ZFHX3: variants seen among roughly 807,000 people sequenced by gnomAD.
ZFHX3 encodes zinc finger homeobox protein 3.
ZFHX3 carries 42 observed loss-of-function variants against 279.1 expected under a neutral mutation model. The observed-to-expected ratio is 0.15, with a 90% confidence interval of 0.12 to 0.19. ZFHX3 has a LOEUF of 0.19. Ranked by LOEUF, ZFHX3 falls within the 10% of genes least tolerant of loss-of-function variation. ZFHX3 has a pLI of 1.00. For synonymous variants in ZFHX3, 2,293 were observed against 1,957.8 expected (o/e 1.17, Z -4.52); for missense variants, 4,981 against 4,754.0 (o/e 1.05, Z -1.40).
intron 1 of ZFHX3, among the ~76,000 whole-genome samples, chr16:73,687,346 G>T (rs1055830377): frequency 6.7e-6 from 1 of 150,296 alleles, no homozygotes; most frequent in South Asian, 2.1e-4. Flanking sequence ...GAGCACCACC[G>T]CACACCAGCC....
chr16:73,855,365 C>T (rs1961701302), intron 1 of ZFHX3, among the ~76,000 whole-genome samples: 1 of 152,102 alleles, frequency 6.6e-6, no homozygotes, highest in Admixed American at 6.5e-5. Context: ...GCCTCTCAAG[C>T]TGGATTTCAC....
At chr16:72,933,819 T>TTTTTTC (rs1959956730) in intron 3 of ZFHX3, among the ~76,000 whole-genome samples, 1 of 111,962 alleles carries the variant, frequency 8.9e-6, no homozygotes, top group African/African-American at 4.0e-5. Flanking sequence ...CTTTCTTTTT[T>TTTTTTC]TTTTTTTTTT....
At chr16:73,636,791 T>C (rs1023362757) in intron 2 of ZFHX3, among the ~76,000 whole-genome samples, 3 of 152,208 alleles carry the variant, frequency 2.0e-5, no homozygotes, top group Non-Finnish European at 2.9e-5. Context: ...TGTTTGTAGC[T>C]ATATGGAAAG....
chr16:73,841,472 G>A (rs2142370018), intron 1 of ZFHX3, among the ~76,000 whole-genome samples: 1 of 152,186 alleles, frequency 6.6e-6, no homozygotes, highest in South Asian at 2.1e-4. Flanking sequence ...TGAGTCGGCT[G>A]GGAGATCGGC....
chr16:73,418,254 G>A (rs2017635911), intron 3 of ZFHX3, among the ~76,000 whole-genome samples: 1 of 152,260 alleles, frequency 6.6e-6, no homozygotes, highest in African/African-American at 2.4e-5. Context: ...GATTAAGGAA[G>A]AGTCCGATTT....
intron 2 of ZFHX3, among the ~76,000 whole-genome samples, chr16:73,544,903 C>G (rs916780145): frequency 6.6e-6 from 1 of 152,138 alleles, no homozygotes; most frequent in Non-Finnish European, 1.5e-5. Context: ...TAAAAAGATA[C>G]TAAAGTGCTA....
intron 4 of ZFHX3, among the ~76,000 whole-genome samples, chr16:72,847,410 T>C (rs1453769534): frequency 6.6e-6 from 1 of 152,042 alleles, no homozygotes; most frequent in Non-Finnish European, 1.5e-5. Flanking sequence ...GCAGGCAGCA[T>C]TAGTTCTGCA....
intron 1 of ZFHX3, among the ~76,000 whole-genome samples, chr16:73,012,118 A>G (rs1009122539): frequency 4.6e-5 from 7 of 152,232 alleles, no homozygotes; most frequent in African/African-American, 1.4e-4. Context: ...CAGTCTTCTC[A>G]GCAGGGCTTT....
intron 1 of ZFHX3, among the ~76,000 whole-genome samples, chr16:72,994,057 G>A (rs1038096691): frequency 6.6e-6 from 1 of 152,162 alleles, no homozygotes. Flanking sequence ...GCTACAAGCA[G>A]TGGGTCTCCA....
At chr16:73,516,280 A>G (rs1323916301) in intron 2 of ZFHX3, among the ~76,000 whole-genome samples, 2 of 152,204 alleles carry the variant, frequency 1.3e-5, no homozygotes, top group Non-Finnish European at 2.9e-5. Flanking sequence ...CAGGGCTTAC[A>G]TCCTACCGTG....
chr16:73,816,452 C>A (rs757047927), intron 1 of ZFHX3, among the ~76,000 whole-genome samples: 21 of 152,148 alleles, frequency 1.4e-4, no homozygotes, highest in Non-Finnish European at 2.4e-4. Flanking sequence ...TTTATTGGAA[C>A]ACAGCCACTC....
At chr16:73,029,549 C>T (rs1026952914) in intron 1 of ZFHX3, among the ~76,000 whole-genome samples, 2 of 152,126 alleles carry the variant, frequency 1.3e-5, no homozygotes, top group Non-Finnish European at 2.9e-5. Flanking sequence ...AGGAATTATC[C>T]CTCCCATTGA....
chr16:73,253,691 G>A (rs138820144), intron 5 of ZFHX3, among the ~76,000 whole-genome samples: 190 of 151,954 alleles, frequency 1.3e-3, no homozygotes, highest in African/African-American at 4.3e-3. Context: ...TCCTGACCTC[G>A]TGACCCACCC....
At chr16:73,672,307 C>G (rs2052911853) in intron 2 of ZFHX3, among the ~76,000 whole-genome samples, 1 of 152,108 alleles carries the variant, frequency 6.6e-6, no homozygotes, top group African/African-American at 2.4e-5. Flanking sequence ...CAAAATATAT[C>G]ACCAATATTA....
chr16:72,873,912 T>C (rs1286885200), intron 4 of ZFHX3, among the ~76,000 whole-genome samples: 1 of 152,190 alleles, frequency 6.6e-6, no homozygotes, highest in Non-Finnish European at 1.5e-5. Flanking sequence ...TTAATCTTCT[T>C]ATATTTTAAA....
chr16:73,453,317 C>T (rs1218905148), intron 3 of ZFHX3, among the ~76,000 whole-genome samples: 1 of 152,198 alleles, frequency 6.6e-6, no homozygotes, highest in Non-Finnish European at 1.5e-5. Flanking sequence ...TGACCTGTGA[C>T]TGCTTTGTGT....
intron 3 of ZFHX3, among the ~76,000 whole-genome samples, chr16:73,374,644 A>C (rs74028604): frequency 6.6e-6 from 1 of 152,210 alleles, no homozygotes; most frequent in African/African-American, 2.4e-5. Flanking sequence ...TTAGGATCCA[A>C]TAATGTCCTT....
chr16:72,795,735 G>A lies in ZFHX3; in HGVS notation c.6947C>T (p.Thr2316Ile). 6.2e-7 allele frequency: 1 copy of A among 1,614,116 alleles called. No individual in the cohort carries two copies. The highest frequency in any genetic ancestry group is 2.2e-5 in the East Asian group (1 of 44,874). ...EGKDGERREL[T>I]NDRYIRTSNL... ...GCTTGTTCGAATGTATCTATCATTT[G>A]TAAGCTCACGCCGCTCTCCATCTTT... The change falls in exon 9 of 10, where the codon ACA becomes ATA. Residue 2316 changes from threonine (T) to isoleucine (I), a missense_variant. Coordinates refer to ENST00000268489, the MANE Select transcript of ZFHX3 (RefSeq NM_006885.4).
chr16:73,453,534 G>A (rs1265609183), intron 3 of ZFHX3, among the ~76,000 whole-genome samples: 1 of 152,198 alleles, frequency 6.6e-6, no homozygotes, highest in African/African-American at 2.4e-5. Flanking sequence ...TGTAACACTA[G>A]CCACCTTCAG....
Sources: gnomAD v4.1 joint callset for allele counts (sites outside exome capture counted in the v4.1 genomes callset) on GRCh38, gnomAD v4.1.1 for gene constraint, MANE v1.5 for transcripts, NCBI Gene and HGNC (gene_info 2026-07-23, HGNC 2026-07-21) for gene names.